The following RBMS3 variants were observed in gnomAD, a reference collection of about 807,000 sequenced individuals.
RBMS3 encodes the protein RNA-binding motif, single-stranded-interacting protein 3.
A neutral mutation model predicts 66.8 loss-of-function variants in RBMS3; 27 were observed. The observed-to-expected ratio is 0.40, with a 90% CI of 0.30 to 0.56. The LOEUF (loss-of-function observed/expected upper bound fraction) is 0.56. Ranked by LOEUF, RBMS3 falls within the 20% of genes least tolerant of loss-of-function variation. RBMS3 has a pLI of 0.40. For synonymous variants in RBMS3, 188 were observed against 183.0 expected (o/e 1.03, Z -0.22); for missense variants, 513 against 549.5 (o/e 0.93, Z 0.66).
In RBMS3 at chr3:29,587,192, C is replaced by A; in HGVS notation, c.386C>A (p.Ala129Glu). 6.7e-7 allele frequency: 1 copy of A among 1,487,198 alleles called. No homozygotes were observed. Among genetic ancestry groups the A allele is most frequent in the Non-Finnish European group, 9.2e-7 (1 of 1,092,264 alleles). The allele number at this position is 1,487,198 out of a possible 1,614,324, so 92.1% of individuals were successfully genotyped here. A position where few individuals can be genotyped will look rare whatever the true frequency, so the allele number is the denominator to read the frequency against. ...TCTCTCAAGGCAAATGGCGTGCAGG[C>A]ACAGATGGCTAAGGTAAGATTGATG... ...VASLKANGVQ[A>E]QMAKQQEQDP... Residue 129 changes from alanine (A) to glutamate (E), a missense_variant, in exon 4 of 15, where the codon GCA (alanine) becomes GAA (glutamate). Ala to Glu is a moderately radical substitution (Grantham distance 107). Transcript: ENST00000383767.
chr3:29,884,091 G>A (rs911437136), intron 7 of RBMS3, 71 bp from the exon 8 acceptor site: 1 of 1,269,812 alleles, frequency 7.9e-7, no homozygotes, highest in Non-Finnish European at 1.1e-6. Flanking sequence ...GTCTTTGTGT[G>A]TACTAAATGT....
At chr3:29,501,897 T>C (rs1022399465) in intron 3 of RBMS3, among the ~76,000 whole-genome samples, 2 of 152,090 alleles carry the variant, frequency 1.3e-5, no homozygotes, top group Non-Finnish European at 2.9e-5. Context: ...CGAAGAGCTG[T>C]GTAGTCCTCA....
intron 3 of RBMS3, among the ~76,000 whole-genome samples, chr3:29,555,409 C>G (rs1028897920): frequency 2.6e-5 from 4 of 152,178 alleles, no homozygotes; most frequent in Non-Finnish European, 5.9e-5. Flanking sequence ...TATTTCCCCT[C>G]TTGTCTACAA....
At chr3:29,993,548 C>T (rs1316977976) in intron 14 of RBMS3, among the ~76,000 whole-genome samples, 1 of 152,108 alleles carries the variant, frequency 6.6e-6, no homozygotes, top group Non-Finnish European at 1.5e-5. Flanking sequence ...GCAGATTCCA[C>T]CCCCCACTGT....
intron 8 of RBMS3, among the ~76,000 whole-genome samples, chr3:29,890,958 G>A (rs2059988221): frequency 6.6e-6 from 1 of 151,520 alleles, no homozygotes; most frequent in Admixed American, 6.6e-5. Context: ...GAATTGGGAA[G>A]GCTTCTTGCT....
chr3:29,601,636 C>G (rs1456586968), intron 4 of RBMS3, among the ~76,000 whole-genome samples: 1 of 151,982 alleles, frequency 6.6e-6, no homozygotes, highest in Non-Finnish European at 1.5e-5. Context: ...ACAGACTACC[C>G]TCCTATTTTA....
chr3:29,727,186 C>T (rs555035024), intron 4 of RBMS3, among the ~76,000 whole-genome samples: 1 of 152,254 alleles, frequency 6.6e-6, no homozygotes, highest in South Asian at 2.1e-4. Flanking sequence ...AATCTGGACC[C>T]CTTTCTTACA....
At chr3:29,791,170 G>T (rs1255004888) in intron 6 of RBMS3, among the ~76,000 whole-genome samples, 1 of 152,186 alleles carries the variant, frequency 6.6e-6, no homozygotes, top group Admixed American at 6.5e-5. Context: ...CATAAGTGGG[G>T]TGAACAGGTG....
chr3:29,632,912 T>C (rs1294143461), intron 4 of RBMS3, among the ~76,000 whole-genome samples: 1 of 151,878 alleles, frequency 6.6e-6, no homozygotes, highest in Non-Finnish European at 1.5e-5. Flanking sequence ...TCTAAGTAAC[T>C]GGCACAATGA....
At chr3:29,848,739 T>C (rs901736557) in intron 6 of RBMS3, among the ~76,000 whole-genome samples, 4 of 152,198 alleles carry the variant, frequency 2.6e-5, no homozygotes, top group African/African-American at 9.6e-5. Flanking sequence ...AAAATAAATA[T>C]GTGAAAGCAA....
At chr3:29,650,469 T>A (rs112274329) in intron 4 of RBMS3, among the ~76,000 whole-genome samples, 231 of 152,186 alleles carry the variant, frequency 1.5e-3, no homozygotes, top group African/African-American at 5.1e-3. Context: ...TTTTCTGTAT[T>A]TTTTAAAGAC....
At chr3:29,448,803 T>G (rs2041921416) in intron 2 of RBMS3, among the ~76,000 whole-genome samples, 1 of 152,182 alleles carries the variant, frequency 6.6e-6, no homozygotes, top group Admixed American at 6.6e-5. Context: ...CAATTCCCAA[T>G]GAGGTAACCT....
chr3:29,865,909 G>T (rs73831074), intron 6 of RBMS3, among the ~76,000 whole-genome samples: 1,757 of 152,108 alleles, frequency 0.012, 43 homozygotes, highest in African/African-American at 0.04. Flanking sequence ...ACAACTGCAG[G>T]TGTGTGACCC....
At chr3:29,311,960 A>G (rs1205074954) in intron 1 of RBMS3, among the ~76,000 whole-genome samples, 1 of 151,822 alleles carries the variant, frequency 6.6e-6, no homozygotes, top group East Asian at 1.9e-4. Context: ...GAGATTCCTA[A>G]GTGTGTTCCA....
chr3:29,638,817 T>G (rs1427875975), intron 4 of RBMS3, among the ~76,000 whole-genome samples: 1 of 151,890 alleles, frequency 6.6e-6, no homozygotes, highest in South Asian at 2.1e-4. Context: ...AAACTGTTAT[T>G]CTTTAGGCAT....
In RBMS3 at chr3:29,573,609, G is replaced by A. The variant is rs193246529; in HGVS notation, c.308-13505G>A. Among the ~76,000 whole-genome samples the A allele has an allele frequency of 4.3e-4, 66 of 151,828 alleles. No individual in the cohort carries two copies. In the East Asian group the frequency reaches 7.9e-3, roughly 18 times the overall value. ...CTGATTTCTTTTCTTCTAACTTTGC[G>A]TTTAAATCATACTTGCATTTTTAGT... On this transcript the variant is annotated intron_variant, in intron 3 of 14. Transcript: ENST00000383767.
chr3:29,597,255 A>G (rs555001515), intron 4 of RBMS3, among the ~76,000 whole-genome samples: 1 of 152,310 alleles, frequency 6.6e-6, no homozygotes, highest in East Asian at 1.9e-4. Context: ...CACAATAACT[A>G]AAACATGTTT....
chr3:29,329,099 A>G (rs1052106906), intron 1 of RBMS3, among the ~76,000 whole-genome samples: 2 of 152,170 alleles, frequency 1.3e-5, no homozygotes, highest in African/African-American at 4.8e-5. Flanking sequence ...TAATGCCACT[A>G]TACCGGGAAA....
intron 3 of RBMS3, among the ~76,000 whole-genome samples, chr3:29,501,184 C>G (rs1391233322): frequency 6.6e-6 from 1 of 152,156 alleles, no homozygotes; most frequent in Admixed American, 6.6e-5. Flanking sequence ...GCATTGATAT[C>G]ATGTGTATAT....
Sources: gnomAD v4.1 joint callset for allele counts (sites outside exome capture counted in the v4.1 genomes callset) on GRCh38, gnomAD v4.1.1 for gene constraint, MANE v1.5 for transcripts, NCBI Gene and HGNC (gene_info 2026-07-23, HGNC 2026-07-21) for gene names.